Variants in PTPN13 observed in about 807,000 individuals in gnomAD.
PTPN13 encodes the protein tyrosine-protein phosphatase non-receptor type 13.
Under a neutral mutation model 284.0 loss-of-function variants are expected in PTPN13, and 191 were observed. The observed-to-expected ratio is 0.67, with a 90% CI of 0.60 to 0.76. PTPN13 has a LOEUF of 0.76. PTPN13 is among the 30% of genes least tolerant of loss of function. The pLI is 0.00. For missense variants in PTPN13, 2,797 were observed against 2,939.9 expected, an observed-to-expected ratio of 0.95 and a Z score of 1.12; for synonymous variants, 986 against 1,022.3, an observed-to-expected ratio of 0.96 and a Z score of 0.68.
Position 86,762,811 on chromosome 4 carries a change from C to A in PTPN13, c.3638C>A (p.Ser1213Tyr). 1 of 1,613,802 alleles carries A rather than the reference C, an allele frequency of 6.2e-7. No individual in the cohort carries two copies. The highest frequency in any genetic ancestry group is 8.5e-7 in the Non-Finnish European group (1 of 1,179,784). Residue 1213 changes from serine to tyrosine, a missense_variant, in exon 24 of 48, where the codon TCT (serine) becomes TAT (tyrosine). Transcript: ENST00000411767. ...SSYMQDSAID[S>Y]SSKDHHWSRG... is the part of the protein sequence containing the mutation. ...TACATGCAAGACAGTGCTATAGATT[C>A]TTCTTCCAAGGATCACCACTGGTCA...
chr4:86,720,313 T>A (rs1409946325), intron 9 of PTPN13, among the ~76,000 whole-genome samples: 4 of 152,184 alleles, frequency 2.6e-5, no homozygotes, highest in Admixed American at 6.5e-5. Flanking sequence ...AGAATCCTAA[T>A]TTTGATTGTT....
chr4:86,788,958 TA>T (rs1742297173), intron 40 of PTPN13, among the ~76,000 whole-genome samples: 1 of 152,348 alleles, frequency 6.6e-6, no homozygotes, highest in Admixed American at 6.5e-5. Context: ...ATAAAGTTAT[TA>T]AAGCTTTCTA....
intron 10 of PTPN13, among the ~76,000 whole-genome samples, chr4:86,731,908 T>C (rs1734996952): frequency 6.6e-6 from 1 of 152,184 alleles, no homozygotes; most frequent in African/African-American, 2.4e-5. Context: ...TCCCAAGGCA[T>C]TGGGATTAGT....
intron 6 of PTPN13, among the ~76,000 whole-genome samples, chr4:86,694,734 C>T (rs527923886): frequency 6.6e-6 from 1 of 151,494 alleles, no homozygotes; most frequent in Admixed American, 6.6e-5. Flanking sequence ...TCTTTGTTCT[C>T]TTCTTATCAA....
chr4:86,792,941 A>C (rs1291138160), intron 40 of PTPN13, among the ~76,000 whole-genome samples: 1 of 152,222 alleles, frequency 6.6e-6, no homozygotes, highest in Non-Finnish European at 1.5e-5. Context: ...CTGTGAAGAA[A>C]CTGCATCAAT....
Position 86,770,114 on chromosome 4 carries a change from C to G in PTPN13, c.4718C>G (p.Ala1573Gly). The change falls in exon 30 of 48, where the codon GCT (alanine) becomes GGT (glycine). Residue 1573 changes from alanine to glycine, a missense_variant. Ala to Gly is a moderately conservative substitution (Grantham distance 60). Transcript: ENST00000411767. ...TGGTACCCCCAGGAAGTCATATCTG[C>G]TCTCAGGGGAACTGCTCCAGAAGTA... is the stretch of plus-strand genomic sequence containing the variant. ...KGLSQQEVIS[A>G]LRGTAPEVFL... 6.2e-7 allele frequency: 1 copy of G among 1,613,706 alleles called. No homozygotes were observed. Among genetic ancestry groups the G allele is most frequent in the African/African-American group, 1.3e-5 (1 of 75,046 alleles).
In PTPN13 at chr4:86,732,464, G is replaced by A. The variant is rs184221078; in HGVS notation, c.1673G>A (p.Arg558Gln). 1.0e-5 allele frequency: 16 copies of A among 1,600,642 alleles called. No individual in the cohort carries two copies. The highest frequency in any genetic ancestry group is 2.2e-5 in the East Asian group (1 of 44,460). ...CCATTTATATCTTTGGATTTGCCAC[G>A]GTCTATTCTTGTAAGTAATAAAACC... ...IEPFISLDLP[R>Q]SILTKKGKNE... Residue 558 changes from arginine to glutamine, a missense_variant, in exon 11 of 48, where the codon CGG becomes CAG. Coordinates refer to ENST00000411767, the MANE Select transcript of PTPN13 (RefSeq NM_080683.3).
chr4:86,611,646 C>T (rs1308531102), intron 1 of PTPN13, among the ~76,000 whole-genome samples: 1 of 152,184 alleles, frequency 6.6e-6, no homozygotes, highest in Admixed American at 6.5e-5. Flanking sequence ...ACTACCTCTA[C>T]TTACTACCTT....
At position 86,807,712 on chromosome 4, in the gene PTPN13, CA is replaced by C; in HGVS notation, c.6903del (p.Lys2301AsnfsTer4). Reference sequence around the variant, plus strand: ...AGACTTCTGGCAGATGATTTGGGAGCAAAAATCCACAGTGATAGCCATGATG... The same window carrying C: ...AGACTTCTGGCAGATGATTTGGGAGCAAAATCCACAGTGATAGCCATGATG... ...VGDFWQMIWE[Q>X]KSTVIAMMTQ... is the part of the protein sequence containing the mutation. On this transcript the variant is annotated frameshift_variant, in exon 45 of 48. Coordinates refer to ENST00000411767, the MANE Select transcript of PTPN13 (RefSeq NM_080683.3). LOFTEE classifies it high-confidence loss of function. 1 of 1,613,884 alleles carries C rather than the reference CA, an allele frequency of 6.2e-7. No homozygotes were observed. Among genetic ancestry groups the C allele is most frequent in the Non-Finnish European group, 8.5e-7 (1 of 1,179,874 alleles).
At chr4:86,751,192 C>A in intron 19 of PTPN13, 68 bp downstream of exon 19, 1 of 1,142,530 alleles carries the variant, frequency 8.8e-7, no homozygotes. Context: ...ACAAGATCAT[C>A]TTAATTATCA....
At chr4:86,735,514 CAAGAACTTT>C in intron 14 of PTPN13, 71 bp from the exon 15 acceptor site, 1 of 1,486,296 alleles carries the variant, frequency 6.7e-7, no homozygotes, top group African/African-American at 1.4e-5. Flanking sequence ...TTAGCCAAAG[CAAGAACTTT>C]AAGATAGAAG....
Position 86,809,500 on chromosome 4 carries a change from G to A in PTPN13, c.7084-269G>A, listed in dbSNP as rs562276888. On this transcript the variant is annotated intron_variant, in intron 45 of 47. Transcript: ENST00000411767. The stretch of plus-strand genomic sequence containing the variant: ...ATCAGTTGAGGTCAGGAGTTCGAGA[G>A]CAGCCTGACCAACATGGTGAAACCC... Among the ~76,000 whole-genome samples the A allele has an allele frequency of 3.3e-3, 499 of 152,178 alleles. 1 individual carries two copies. The highest frequency in any genetic ancestry group is 0.012 in the African/African-American group (482 of 41,532).
chr4:86,701,675 C>T lies in PTPN13; in HGVS notation c.1069C>T (p.Gln357Ter). 6.2e-7 allele frequency: 1 copy of T among 1,613,866 alleles called. No individual in the cohort carries two copies. Among genetic ancestry groups the T allele is most frequent in the Non-Finnish European group, 8.5e-7 (1 of 1,179,844 alleles). ...TATAGCCTTGGATATCTTTGGCCCT[C>T]AGAAAATGGATCCAATATATCACAC... ...GSIALDIFGPQKMDPIYHTRE... is the reference protein window; with the variant it reads ...GSIALDIFGP The change falls in exon 7 of 48, where the codon CAG becomes TAG. Residue 357 changes from glutamine to a stop codon, truncating the protein, a stop_gained. Coordinates refer to ENST00000411767, the MANE Select transcript of PTPN13 (RefSeq NM_080683.3). LOFTEE classifies it high-confidence loss of function.
At chr4:86,599,778 C>T (rs1764135497) in intron 1 of PTPN13, among the ~76,000 whole-genome samples, 1 of 151,758 alleles carries the variant, frequency 6.6e-6, no homozygotes, top group Admixed American at 6.6e-5. Flanking sequence ...TTCCTCTTTC[C>T]TCAGTCTTTT....
intron 46 of PTPN13, among the ~76,000 whole-genome samples, chr4:86,810,419 TA>T (rs1460995958): frequency 1.3e-5 from 2 of 151,702 alleles, no homozygotes; most frequent in Admixed American, 6.6e-5. Flanking sequence ...ATTATAAAAT[TA>T]ATGCTAAGTA....
At position 86,771,348 on chromosome 4, in the gene PTPN13, G is replaced by T; in HGVS notation, c.4981G>T (p.Asp1661Tyr). Residue 1661 changes from aspartate to tyrosine, a missense_variant, in exon 31 of 48, where the codon GAT (aspartate) becomes TAT (tyrosine). Physicochemically the swap from Asp to Tyr is radical, Grantham distance 160. Coordinates refer to ENST00000411767, the MANE Select transcript of PTPN13 (RefSeq NM_080683.3). ...SYSDSSGSGE[D>Y]DLVTAPANIS... ...CAGTGACAGCAGTGGGAGTGGAGAA[G>T]ATGACTTAGTGACAGCTCCAGCAAA... 2 of 1,590,176 alleles carry T rather than the reference G, an allele frequency of 1.3e-6. No individual in the cohort carries two copies. The highest frequency in any genetic ancestry group is 1.7e-6 in the Non-Finnish European group (2 of 1,167,998).
chr4:86,645,142 A>G (rs1490887509), intron 2 of PTPN13, among the ~76,000 whole-genome samples: 1 of 152,164 alleles, frequency 6.6e-6, no homozygotes, highest in Non-Finnish European at 1.5e-5. Context: ...GTGAGCCAAG[A>G]TAGCACCACT....
At chr4:86,607,416 A>G (rs1764875444) in intron 1 of PTPN13, among the ~76,000 whole-genome samples, 1 of 152,000 alleles carries the variant, frequency 6.6e-6, no homozygotes, top group Non-Finnish European at 1.5e-5. Context: ...TTTGAATATT[A>G]TTGTGTGCTA....
chr4:86,730,528 C>G (rs993997594), intron 10 of PTPN13, among the ~76,000 whole-genome samples: 1 of 149,884 alleles, frequency 6.7e-6, no homozygotes, highest in African/African-American at 2.4e-5. Flanking sequence ...CATCCCTCCC[C>G]CGACCAGGCT....
Sources: allele counts gnomAD v4.1 joint callset (sites outside exome capture counted in the v4.1 genomes callset), GRCh38; gene constraint gnomAD v4.1.1; transcripts MANE v1.5; gene names NCBI Gene and HGNC (gene_info 2026-07-23, HGNC 2026-07-21).